DBX1: variants seen among roughly 807,000 people sequenced by gnomAD.
DBX1 encodes the protein homeobox protein DBX1.
A neutral mutation model predicts 20.8 loss-of-function variants in DBX1; 10 were observed. The observed-to-expected ratio is 0.48, with a 90% confidence interval of 0.30 to 0.82. The LOEUF (loss-of-function observed/expected upper bound fraction) is 0.82, where lower values mean the gene tolerates loss of function less well. Among genes scored for constraint, DBX1 ranks in the 40% least tolerant of loss-of-function variants. The pLI is 0.07. For missense variants in DBX1, 505 were observed against 468.8 expected (o/e 1.08, Z -0.71); for synonymous variants, 241 against 213.9 (o/e 1.13, Z -1.11).
At chr11:20,159,417 A>G in intron 1 of DBX1, 125 bp from the exon 2 acceptor site, 1 of 659,032 alleles carries the variant, frequency 1.5e-6, no homozygotes, top group South Asian at 1.9e-5. Flanking sequence ...TTTCAAAGAC[A>G]TCTTTCTTAT....
At chr11:20,159,930 G>A in intron 1 of DBX1, 28 bp downstream of exon 1, 2 of 1,613,868 alleles carry the variant, frequency 1.2e-6, no homozygotes, top group Non-Finnish European at 1.7e-6. Flanking sequence ...GTACCTGAAT[G>A]GGCCCTTAGG....
At position 20,157,077 on chromosome 11, in the gene DBX1, C is replaced by A. The variant is rs149273490; in HGVS notation, c.632G>T (p.Arg211Leu). The part of the protein sequence containing the change: ...QKQKYISKPD[R>L]KKLAAKLGLK... The stretch of plus-strand genomic sequence containing the variant: ...GCCCAGCTTGGCCGCCAGCTTCTTG[C>A]GGTCGGGCTTGCTGATGTACTTCTG... The change falls in exon 3 of 4, where the codon CGC becomes CTC. Residue 211 changes from arginine to leucine, a missense_variant. Coordinates refer to ENST00000524983, the MANE Select transcript of DBX1 (RefSeq NM_001029865.4). The A allele has an allele frequency of 6.8e-6, 11 of 1,613,902 alleles. No individual in the cohort carries two copies. The highest frequency in any genetic ancestry group is 9.3e-6 in the Non-Finnish European group (11 of 1,180,014).
intron 2 of DBX1, among the ~76,000 whole-genome samples, chr11:20,157,481 C>T (rs2063666281): frequency 6.6e-6 from 1 of 152,234 alleles, no homozygotes; most frequent in Admixed American, 6.5e-5. Context: ...AAAACAGCCC[C>T]CACAATAGCC....
In DBX1 at chr11:20,157,142, G is replaced by C. The variant is rs748158152; in HGVS notation, c.567C>G (p.Ser189=). ...RRGMLRRAVF[S]DVQRKALEKM... is the part of the protein sequence containing the mutation. ...TCTCCAGCGCCTTCCGCTGCACGTC[G>C]GAGAAGACTGCTCGACGCAGCATGC... Residue 189 remains serine (S), a synonymous_variant, in exon 3 of 4, where the codon TCC becomes TCG. Coordinates refer to ENST00000524983, the MANE Select transcript of DBX1 (RefSeq NM_001029865.4). The C allele has an allele frequency of 3.7e-6, 6 of 1,612,996 alleles. No homozygotes were observed. In the East Asian group the frequency reaches 8.9e-5, roughly 24 times the overall value.
Position 20,156,779 on chromosome 11 carries a change from TGCCACCCTGCCCCGAA to T in DBX1, c.673-222_673-207del. The stretch of plus-strand genomic sequence containing the variant: ...TCGCGGTTCCGTTTGCCTCATCCGC[TGCCACCCTGCCCCGAA>T]GGGCGGGGTTGGGGGCCGGTGAGGC... On this transcript the variant is annotated intron_variant, in intron 3 of 3. Coordinates refer to ENST00000524983, the MANE Select transcript of DBX1 (RefSeq NM_001029865.4). This position sits in a 1 kb window ranked among gnomAD's most constrained non-coding sequence, Gnocchi z 4.8. The T allele has an allele frequency of 1.1e-6, 1 of 881,828 alleles. No homozygotes were observed. The highest frequency in any genetic ancestry group is 1.8e-6 in the Non-Finnish European group (1 of 555,620). The allele number at this position is 881,828 out of a possible 1,614,324, so 54.6% of individuals were successfully genotyped here.
chr11:20,160,454 C>G lies in DBX1; in HGVS notation c.-130G>C. 8.0e-7 allele frequency: 1 copy of G among 1,254,506 alleles called. No homozygotes were observed. The highest frequency in any genetic ancestry group is 1.6e-5 in the African/African-American group (1 of 63,556). 77.7% of individuals were successfully genotyped at this position (1,254,506 alleles called of 1,614,324 possible). ...CAAACGTCTCCAAGTAACAATCCCA[C>G]TTGGGCGTCTGCGAGTCCTCCGTGG... is the stretch of plus-strand genomic sequence containing the variant. On this transcript the variant is annotated 5_prime_UTR_variant, in exon 1 of 4. Coordinates refer to ENST00000524983, the MANE Select transcript of DBX1 (RefSeq NM_001029865.4).
chr11:20,157,910 C>CA (rs1273570120), intron 2 of DBX1, among the ~76,000 whole-genome samples: 1 of 151,870 alleles, frequency 6.6e-6, no homozygotes, highest in Non-Finnish European at 1.5e-5. Context: ...CAAAAAGAAA[C>CA]AGAGACTCTA....
In DBX1 at chr11:20,156,170, A is replaced by G; in HGVS notation, c.*44T>C. 6.6e-7 allele frequency: 1 copy of G among 1,509,434 alleles called. No individual in the cohort carries two copies. Among genetic ancestry groups the G allele is most frequent in the Non-Finnish European group, 8.9e-7 (1 of 1,129,354 alleles). 93.5% of individuals were successfully genotyped at this position (1,509,434 alleles called of 1,614,324 possible). ...GCGCAGACTGGACCCCACCTCTTCG[A>G]TTTCAAAGCACTTAAAAATAGTACT... On this transcript the variant is annotated 3_prime_UTR_variant, in exon 4 of 4. Coordinates refer to ENST00000524983, the MANE Select transcript of DBX1 (RefSeq NM_001029865.4). This position sits in a 1 kb window ranked among gnomAD's most constrained non-coding sequence, Gnocchi z 4.8.
intron 2 of DBX1, among the ~76,000 whole-genome samples, chr11:20,158,151 G>A (rs1039771855): frequency 1.3e-5 from 2 of 150,376 alleles, no homozygotes; most frequent in African/African-American, 2.4e-5. Context: ...TTTTGTTAGA[G>A]CATTGAGATG....
Position 20,159,278 on chromosome 11 carries a change from A to G in DBX1, c.382T>C (p.Leu128=). Residue 128 remains leucine, a synonymous_variant, in exon 2 of 4, where the codon TTG becomes CTG. Transcript: ENST00000524983. The part of the protein sequence containing the change: ...SGPRTETSPA[L]LQSVPPKTFA... ...GTCTTGGGAGGGACGCTCTGGAGCA[A>G]GGCTGGGGATGTTTCTGGTGGGCGA... is the stretch of plus-strand genomic sequence containing the variant. The G allele has an allele frequency of 6.2e-7, 1 of 1,613,462 alleles. No homozygotes were observed.
rs1016642233 is a variant in DBX1 at position 20,156,744 on chromosome 11, C to T, written c.673-171G>A. ...GTGGATTCCCGCATTGACTCCGCCC[C>T]CGCCTCAGCTCGCGGTTCCGTTTGC... On this transcript the variant is annotated intron_variant, in intron 3 of 3. Transcript: ENST00000524983. This position sits in a 1 kb window ranked among gnomAD's most constrained non-coding sequence, Gnocchi z 4.8. 3.7e-6 allele frequency: 4 copies of T among 1,091,822 alleles called. No homozygotes were observed. The highest frequency in any genetic ancestry group is 4.1e-6 in the Non-Finnish European group (3 of 724,908). The allele number at this position is 1,091,822 out of a possible 1,614,324, so 67.6% of individuals were successfully genotyped here. A position where few individuals can be genotyped will look rare whatever the true frequency, so the allele number is the denominator to read the frequency against.
In DBX1 at chr11:20,156,617, A is replaced by T. The variant is rs1177218436; in HGVS notation, c.673-44T>A. On this transcript the variant is annotated intron_variant, in intron 3 of 3. Coordinates refer to ENST00000524983, the MANE Select transcript of DBX1 (RefSeq NM_001029865.4). This position sits in a 1 kb window ranked among gnomAD's most constrained non-coding sequence, Gnocchi z 4.8. ...CGAGAAGAAGGGAGAAGCAGAGGTC[A>T]GATCAGGGGCTCCGGGGGACGCACG... 2 of 1,613,482 alleles carry T rather than the reference A, an allele frequency of 1.2e-6. No homozygotes were observed. The highest frequency in any genetic ancestry group is 1.3e-5 in the African/African-American group (1 of 74,944).
chr11:20,156,243 C>G lies in DBX1; in HGVS notation c.1003G>C (p.Glu335Gln). The G allele has an allele frequency of 1.3e-6, 2 of 1,520,496 alleles. No homozygotes were observed. Among genetic ancestry groups the G allele is most frequent in the Non-Finnish European group, 1.8e-6 (2 of 1,136,414 alleles). 94.2% of individuals were successfully genotyped at this position (1,520,496 alleles called of 1,614,324 possible). Residue 335 changes from glutamate (E) to glutamine (Q), a missense_variant, in exon 4 of 4, where the codon GAG becomes CAG. By Grantham distance (29) the Glu-to-Gln change is conservative. Coordinates refer to ENST00000524983, the MANE Select transcript of DBX1 (RefSeq NM_001029865.4). This position sits in a 1 kb window ranked among gnomAD's most constrained non-coding sequence, Gnocchi z 4.8. Reference sequence around the variant, plus strand: ...GACACGGTGATTTCCTCCTGTTCCTCGCCCTCCTCTTCCTCCTCGGAATCT... The same window carrying G: ...GACACGGTGATTTCCTCCTGTTCCTGGCCCTCCTCTTCCTCCTCGGAATCT... ...FSDSEEEEEG[E>Q]EQEEITVS
In DBX1 at chr11:20,156,670, C is replaced by T. The variant is rs758205533; in HGVS notation, c.673-97G>A. ...GGCGGGGAGTGGAGTCGGGTGCAGG[C>T]TCTGTCCTTCGGGCTGTGTCCTCTC... On this transcript the variant is annotated intron_variant, in intron 3 of 3. Transcript: ENST00000524983. This position sits in a 1 kb window ranked among gnomAD's most constrained non-coding sequence, Gnocchi z 4.8. The T allele has an allele frequency of 6.4e-7, 1 of 1,555,950 alleles. No individual in the cohort carries two copies. Among genetic ancestry groups the T allele is most frequent in the African/African-American group, 1.4e-5 (1 of 73,602 alleles).
Position 20,156,699 on chromosome 11 carries a change from A to AC in DBX1, c.673-127dup, listed in dbSNP as rs2063660065. On this transcript the variant is annotated intron_variant, in intron 3 of 3. Coordinates refer to ENST00000524983, the MANE Select transcript of DBX1 (RefSeq NM_001029865.4). The surrounding 1 kb of genome is among the most constrained non-coding windows in gnomAD (Gnocchi z 4.8). ...GTCCTTCGGGCTGTGTCCTCTCCCC[A>AC]CCCCCAGAAATGAGTTCCGGTGGAT... is the stretch of plus-strand genomic sequence containing the variant. 7.2e-7 allele frequency: 1 copy of AC among 1,391,292 alleles called. No homozygotes were observed. Among genetic ancestry groups the AC allele is most frequent in the Non-Finnish European group, 1.0e-6 (1 of 984,044 alleles). 86.2% of individuals were successfully genotyped at this position (1,391,292 alleles called of 1,614,324 possible). A position where few individuals can be genotyped will look rare whatever the true frequency, so the allele number is the denominator to read the frequency against.
rs1304700619 is a variant in DBX1, at chr11:20,160,244, C to T, written c.81G>A (p.Gln27=). Residue 27 remains glutamine (Q), a synonymous_variant, in exon 1 of 4, where the codon CAG becomes CAA. Transcript: ENST00000524983. ...LRPTPTLTLP[Q]SLQSAFSGHS... ...GGCCGGAAAATGCCGACTGCAAGGA[C>T]TGGGGCAGCGTCAAGGTGGGCGTGG... is the stretch of plus-strand genomic sequence containing the variant. The T allele has an allele frequency of 6.5e-7, 1 of 1,545,138 alleles. No homozygotes were observed. Among genetic ancestry groups the T allele is most frequent in the East Asian group, 2.4e-5 (1 of 40,838 alleles).
At chr11:20,159,067 G>A (rs938273137) in intron 2 of DBX1, 124 bp downstream of exon 2, 3 of 690,294 alleles carry the variant, frequency 4.3e-6, no homozygotes, top group African/African-American at 1.8e-5. Flanking sequence ...TATACGCCTC[G>A]CAACCTCTGA....
At position 20,156,762 on chromosome 11, in the gene DBX1, C is replaced by T; in HGVS notation, c.673-189G>A. 6.1e-6 allele frequency: 6 copies of T among 987,926 alleles called. No individual in the cohort carries two copies. Among genetic ancestry groups the T allele is most frequent in the Admixed American group, 5.4e-5 (3 of 55,104 alleles). 61.2% of individuals were successfully genotyped at this position (987,926 alleles called of 1,614,324 possible). ...TCCGCCCCCGCCTCAGCTCGCGGTT[C>T]CGTTTGCCTCATCCGCTGCCACCCT... On this transcript the variant is annotated intron_variant, in intron 3 of 3. Transcript: ENST00000524983. The surrounding 1 kb of genome is among the most constrained non-coding windows in gnomAD (Gnocchi z 4.8).
rs1343480236 is a variant in DBX1, at chr11:20,156,712, A to G, written c.673-139T>C. ...TGTCCTCTCCCCACCCCCAGAAATGAGTTCCGGTGGATTCCCGCATTGACT... is the reference window on the plus strand; with the variant it reads ...TGTCCTCTCCCCACCCCCAGAAATGGGTTCCGGTGGATTCCCGCATTGACT... On this transcript the variant is annotated intron_variant, in intron 3 of 3. Coordinates refer to ENST00000524983, the MANE Select transcript of DBX1 (RefSeq NM_001029865.4). The surrounding 1 kb of genome is among the most constrained non-coding windows in gnomAD (Gnocchi z 4.8). 3.1e-6 allele frequency: 4 copies of G among 1,310,546 alleles called. No homozygotes were observed. The South Asian group carries it at 4.7e-5, about 16-fold the overall frequency. The allele number at this position is 1,310,546 out of a possible 1,614,324, so 81.2% of individuals were successfully genotyped here. A position where few individuals can be genotyped will look rare whatever the true frequency, so the allele number is the denominator to read the frequency against.
Sources: allele counts gnomAD v4.1 joint callset (sites outside exome capture counted in the v4.1 genomes callset), GRCh38; gene constraint gnomAD v4.1.1; non-coding constraint Gnocchi (gnomAD v3.1); transcripts MANE v1.5; gene names NCBI Gene and HGNC (gene_info 2026-07-23, HGNC 2026-07-21).